The following MTAP variants were observed in gnomAD, a reference collection of about 807,000 sequenced individuals.
The protein encoded by MTAP is methylthioadenosine phosphorylase.
Under a neutral mutation model 33.6 loss-of-function variants are expected in MTAP, and 33 were observed. The ratio of observed to expected loss-of-function variants is 0.98; its 90% CI spans 0.74 to 1.31. MTAP has a LOEUF of 1.31. Among genes scored for constraint, MTAP ranks in the 40% most tolerant of loss-of-function variants. MTAP has a pLI of 0.00. For synonymous variants in MTAP, 148 were observed against 125.7 expected, an observed-to-expected ratio of 1.18 and a Z score of -1.19; for missense variants, 367 against 360.0, an observed-to-expected ratio of 1.02 and a Z score of -0.16.
In MTAP at chr9:21,854,970, C is replaced by T. The variant is rs532270143; in HGVS notation, c.690+100C>T. 30 of 1,471,810 alleles carry T rather than the reference C, an allele frequency of 2.0e-5. No individual in the cohort carries two copies. In the African/African-American group the frequency reaches 4.2e-4, roughly 21 times the overall value. 91.2% of individuals were successfully genotyped at this position (1,471,810 alleles called of 1,614,324 possible). On this transcript the variant is annotated intron_variant, in intron 6 of 7. Coordinates refer to ENST00000644715, the MANE Select transcript of MTAP (RefSeq NM_002451.4). ...CTATTACGTTAGTTTCAGAAAGTGC[C>T]TTTCTACAAGGTTTTGAAGTTGTTA...
At chr9:21,908,698 G>A (rs1303424276) in intron 1 of MTAP, among the ~76,000 whole-genome samples, 2 of 151,710 alleles carry the variant, frequency 1.3e-5, no homozygotes, top group African/African-American at 4.8e-5. Flanking sequence ...TTTTGTTTTA[G>A]TTTTCCTTTT....
chr9:21,860,169 G>A (rs1032524095), intron 7 of MTAP: 2 of 152,200 alleles, frequency 1.3e-5, no homozygotes, highest in Non-Finnish European at 2.9e-5. Context: ...CCACCTAGGA[G>A]CTCTGTAATG....
At chr9:21,931,352 A>G, downstream of MTAP, 2 of 536,660 alleles carry the variant, frequency 3.7e-6, no homozygotes, top group Non-Finnish European at 6.6e-6. Flanking sequence ...AGACATGAGT[A>G]AGGGAGGAGA....
downstream of MTAP, among the ~76,000 whole-genome samples, chr9:21,869,641 A>C (rs962418023): frequency 6.6e-6 from 1 of 152,166 alleles, no homozygotes; most frequent in Non-Finnish European, 1.5e-5. Context: ...CCTCAGACTA[A>C]AAACTTGAAG....
At chr9:21,877,573 G>A (rs548177139) in intron 1 of MTAP, among the ~76,000 whole-genome samples, 4 of 152,202 alleles carry the variant, frequency 2.6e-5, no homozygotes, top group African/African-American at 7.2e-5. Context: ...ATGAAGTGAT[G>A]TTCAATTTTA....
At chr9:21,918,143 G>A (rs1295936866) in intron 1 of MTAP, among the ~76,000 whole-genome samples, 9 of 129,726 alleles carry the variant, frequency 6.9e-5, no homozygotes, top group Non-Finnish European at 1.2e-4. Flanking sequence ...GAGGTCAGGA[G>A]ATCGAGACCA....
rs147028761 is a variant in MTAP at position 21,854,740 on chromosome 9, G to A, written c.560G>A (p.Arg187His). 1.3e-4 allele frequency: 203 copies of A among 1,614,150 alleles called. 1 individual carries two copies. The African/African-American group carries it at 1.9e-3, about 15-fold the overall frequency. ...TCCCGGGCAGAAAGCTTCATGTTCC[G>A]CACCTGGGGGGCGGATGTTATCAAC... ...FSSRAESFMF[R>H]TWGADVINMT... is the part of the protein sequence containing the mutation. Residue 187 changes from arginine (R) to histidine (H), a missense_variant, in exon 6 of 8, where the codon CGC becomes CAC. Arg to His is a conservative substitution (Grantham distance 29). Coordinates refer to ENST00000644715, the MANE Select transcript of MTAP (RefSeq NM_002451.4).
chr9:21,816,640 G>A, intron 2 of MTAP, 74 bp from the exon 3 acceptor site: 1 of 1,318,792 alleles, frequency 7.6e-7, no homozygotes. Context: ...GAGTCCTGTT[G>A]TGGTTGAACA....
At chr9:21,855,748 G>T (rs1825628011) in intron 6 of MTAP, among the ~76,000 whole-genome samples, 1 of 152,098 alleles carries the variant, frequency 6.6e-6, no homozygotes, top group African/African-American at 2.4e-5. Flanking sequence ...GTACAGGGTG[G>T]AATATAATGA....
intron 4 of MTAP, among the ~76,000 whole-genome samples, chr9:21,831,825 C>T (rs1057336333): frequency 6.7e-6 from 1 of 150,320 alleles, no homozygotes; most frequent in African/African-American, 2.5e-5. Flanking sequence ...TGACCAAAAA[C>T]TGAATATTAA....
At chr9:21,804,795 A>G (rs1454189114) in intron 1 of MTAP, among the ~76,000 whole-genome samples, 1 of 152,250 alleles carries the variant, frequency 6.6e-6, no homozygotes, top group African/African-American at 2.4e-5. Context: ...TGAGGCCCAG[A>G]AAGGTCAGCT....
rs78845734 is a variant in MTAP, at chr9:21,924,672, G to C, written c.148-6336G>C. ...CTGGAGGAACCAAGAGTGGAGCTTA[G>C]CTCAAACCCTACCCTTTGGCCCCAT... is the stretch of plus-strand genomic sequence containing the variant. On this transcript the variant is annotated intron_variant, in intron 1 of 1. Coordinates refer to the MTAP transcript ENST00000577563. 1.7e-3 allele frequency among the ~76,000 whole-genome samples: 264 copies of C among 152,232 alleles called. 1 individual carries two copies. The highest frequency in any genetic ancestry group is 5.9e-3 in the African/African-American group (246 of 41,492).
chr9:21,841,176 C>G (rs1035590759), intron 5 of MTAP, among the ~76,000 whole-genome samples: 4 of 152,188 alleles, frequency 2.6e-5, no homozygotes, highest in African/African-American at 9.7e-5. Flanking sequence ...CCCTGGTAGC[C>G]AAACACAAAA....
chr9:21,895,029 A>C (rs1818266199), intron 1 of MTAP, among the ~76,000 whole-genome samples: 1 of 152,208 alleles, frequency 6.6e-6, no homozygotes, highest in South Asian at 2.1e-4. Flanking sequence ...AATAGAGATG[A>C]TACAAACGAG....
intron 5 of MTAP, among the ~76,000 whole-genome samples, chr9:21,845,483 A>G (rs955311219): frequency 2.0e-5 from 3 of 152,234 alleles, no homozygotes; most frequent in Non-Finnish European, 4.4e-5. Context: ...GATCTCTACA[A>G]GGAGAACTAC....
chr9:21,826,092 T>A (rs1824791510), intron 4 of MTAP, among the ~76,000 whole-genome samples: 1 of 152,134 alleles, frequency 6.6e-6, no homozygotes. Flanking sequence ...CTATAGGCTG[T>A]CTCTTTATAT....
downstream of MTAP, chr9:21,931,470 A>G: frequency 3.2e-6 from 1 of 311,286 alleles, no homozygotes; most frequent in Non-Finnish European, 5.9e-6. Context: ...AGGGAAAGAC[A>G]ATCTCCCAAT....
At position 21,865,785 on chromosome 9, in the gene MTAP, T is replaced by G. The variant is rs917821645; in HGVS notation, c.*3771T>G. 2 of 1,030,010 alleles carry G rather than the reference T, an allele frequency of 1.9e-6. No individual in the cohort carries two copies. Among genetic ancestry groups the G allele is most frequent in the Non-Finnish European group, 2.3e-6 (2 of 852,772 alleles). The allele number at this position is 1,030,010 out of a possible 1,614,324, so 63.8% of individuals were successfully genotyped here. On this transcript the variant is annotated 3_prime_UTR_variant, in exon 8 of 8. Transcript: ENST00000644715. ...TTTCTTCAGAAAGACAATCTCGGCA[T>G]GCATTATTTCTTTGTTTTGAAGATT...
At chr9:21,909,622 A>G (rs551739296) in intron 1 of MTAP, among the ~76,000 whole-genome samples, 11 of 152,184 alleles carry the variant, frequency 7.2e-5, no homozygotes, top group Non-Finnish European at 1.6e-4. Context: ...AAGTAAGCCT[A>G]GATGCCCATT....
Sources: allele counts gnomAD v4.1 joint callset (sites outside exome capture counted in the v4.1 genomes callset), GRCh38; gene constraint gnomAD v4.1.1; transcripts MANE v1.5; gene names NCBI Gene and HGNC (gene_info 2026-07-23, HGNC 2026-07-21).